SLC35F4: variants seen among roughly 807,000 people sequenced by gnomAD.
The protein encoded by SLC35F4 is solute carrier family 35 member F4.
Under a neutral mutation model 44.2 loss-of-function variants are expected in SLC35F4, and 24 were observed. The ratio of observed to expected loss-of-function variants is 0.54; its 90% CI spans 0.39 to 0.76. The LOEUF (loss-of-function observed/expected upper bound fraction) is 0.76, where lower values mean the gene tolerates loss of function less well. Ranked by LOEUF, SLC35F4 falls within the 30% of genes least tolerant of loss-of-function variation. The pLI, the probability that SLC35F4 is intolerant of heterozygous loss-of-function variation, is 0.00. For missense variants in SLC35F4, 562 were observed against 586.1 expected (o/e 0.96, Z 0.42); for synonymous variants, 238 against 223.6 (o/e 1.06, Z -0.57).
At chr14:57,660,510 T>A (rs1458195333) in intron 1 of SLC35F4, among the ~76,000 whole-genome samples, 1 of 146,878 alleles carries the variant, frequency 6.8e-6, no homozygotes, top group Admixed American at 6.8e-5. Context: ...CTGGTGTTCA[T>A]GCCCTTGTGT....
chr14:57,791,068 T>A (rs1392232388), intron 1 of SLC35F4, among the ~76,000 whole-genome samples: 3 of 151,968 alleles, frequency 2.0e-5, no homozygotes, highest in African/African-American at 4.8e-5. Flanking sequence ...CAGGACATAG[T>A]CATGGGCAAA....
rs1302954779 is a variant in SLC35F4 at position 57,569,951 on chromosome 14, G to C, written c.963C>G (p.Ala321=). 1 of 1,608,902 alleles carries C rather than the reference G, an allele frequency of 6.2e-7. No homozygotes were observed. The highest frequency in any genetic ancestry group is 1.7e-5 in the Admixed American group (1 of 59,008). ...KVLFKMFLGS[A]NFGEAAHFVS... ...CAAAGTGTGCAGCTTCCCCAAAGTT[G>C]GCACTTCCAAGAAACATTTTAAACA... The change falls in exon 6 of 8, where the codon GCC becomes GCG. Residue 321 remains alanine (A), a synonymous_variant. Coordinates refer to ENST00000556826, the MANE Select transcript of SLC35F4 (RefSeq NM_001306087.2).
intron 1 of SLC35F4, among the ~76,000 whole-genome samples, chr14:57,656,841 G>A (rs2073987604): frequency 1.3e-5 from 2 of 152,056 alleles, no homozygotes. Flanking sequence ...CCCCCAACAA[G>A]AATTTTTCCT....
chr14:57,719,188 G>T (rs1231873417), intron 1 of SLC35F4, among the ~76,000 whole-genome samples: 4 of 152,028 alleles, frequency 2.6e-5, no homozygotes, highest in Admixed American at 2.6e-4. Context: ...CTGCTTCATT[G>T]GTTTGTGTGT....
At position 57,581,383 on chromosome 14, in the gene SLC35F4, A is replaced by G; in HGVS notation, c.638T>C (p.Leu213Pro). ...GEDGLTLKLF[L>P]KRTAPFSILW... is the part of the protein sequence containing the mutation. Reference sequence around the variant, plus strand: ...AATAGAAAAGGGAGCAGTTCTTTTAAGAAAGAGTTTCAGCGTCAGACCATC... The same window carrying G: ...AATAGAAAAGGGAGCAGTTCTTTTAGGAAAGAGTTTCAGCGTCAGACCATC... The change falls in exon 4 of 8, where the codon CTT (leucine) becomes CCT (proline). Residue 213 changes from leucine to proline, a missense_variant. By Grantham distance (98) the Leu-to-Pro change is moderately conservative (BLOSUM62 -3). Coordinates refer to ENST00000556826, the MANE Select transcript of SLC35F4 (RefSeq NM_001306087.2). The G allele has an allele frequency of 6.2e-7, 1 of 1,613,204 alleles. No homozygotes were observed. The highest frequency in any genetic ancestry group is 8.5e-7 in the Non-Finnish European group (1 of 1,179,562).
intron 1 of SLC35F4, among the ~76,000 whole-genome samples, chr14:57,794,225 G>T (rs1259240930): frequency 6.6e-6 from 1 of 152,020 alleles, no homozygotes; most frequent in Admixed American, 6.6e-5. Flanking sequence ...AAAAACTTCT[G>T]CACAGCAAAA....
At chr14:57,586,273 A>G (rs1432120045) in intron 3 of SLC35F4, among the ~76,000 whole-genome samples, 3 of 152,246 alleles carry the variant, frequency 2.0e-5, no homozygotes, top group Non-Finnish European at 4.4e-5. Context: ...TTGGCTAGCC[A>G]TATGCAGAAA....
chr14:57,714,241 A>G (rs2075881301), intron 1 of SLC35F4, among the ~76,000 whole-genome samples: 1 of 152,204 alleles, frequency 6.6e-6, no homozygotes. Context: ...TGGTTAAGTC[A>G]TAGACCTGAC....
At chr14:57,646,428 T>G (rs2073518692) in intron 1 of SLC35F4, among the ~76,000 whole-genome samples, 1 of 152,224 alleles carries the variant, frequency 6.6e-6, no homozygotes, top group African/African-American at 2.4e-5. Flanking sequence ...TCTATAGTAT[T>G]CTCTGACGGT....
intron 1 of SLC35F4, among the ~76,000 whole-genome samples, chr14:57,670,063 G>A (rs181194936): frequency 1.7e-3 from 257 of 152,248 alleles, no homozygotes; most frequent in Non-Finnish European, 3.0e-3. Context: ...TCTTGGGAGA[G>A]TGTATGTGTC....
intron 1 of SLC35F4, among the ~76,000 whole-genome samples, chr14:57,861,622 T>C (rs1217321833): frequency 6.6e-6 from 1 of 152,208 alleles, no homozygotes; most frequent in African/African-American, 2.4e-5. Flanking sequence ...TTATGTGCTC[T>C]TGTCAACATT....
At chr14:57,921,241 G>A (rs1889436510) in intron 1 of SLC35F4, among the ~76,000 whole-genome samples, 1 of 152,136 alleles carries the variant, frequency 6.6e-6, no homozygotes, top group Admixed American at 6.5e-5. Context: ...TTGTCTATTA[G>A]AATCCAAGTC....
At chr14:57,750,774 G>GTATA (rs1462835174) in intron 1 of SLC35F4, among the ~76,000 whole-genome samples, 1 of 152,072 alleles carries the variant, frequency 6.6e-6, no homozygotes, top group African/African-American at 2.4e-5. Flanking sequence ...TGAACTTTTT[G>GTATA]TATATTCTGG....
intron 1 of SLC35F4, among the ~76,000 whole-genome samples, chr14:57,605,427 A>G (rs1320485090): frequency 6.6e-6 from 1 of 152,194 alleles, no homozygotes; most frequent in African/African-American, 2.4e-5. Context: ...ATCAGTCAGA[A>G]TGGCTTTTGT....
intron 1 of SLC35F4, among the ~76,000 whole-genome samples, chr14:57,787,390 C>T (rs763628992): frequency 2.2e-4 from 34 of 152,068 alleles, no homozygotes; most frequent in Non-Finnish European, 4.0e-4. Flanking sequence ...ACCTAGTCAT[C>T]CAAACACAAG....
downstream of SLC35F4, among the ~76,000 whole-genome samples, chr14:57,974,626 G>C (rs750047423): frequency 9.9e-5 from 15 of 152,192 alleles, no homozygotes; most frequent in Non-Finnish European, 2.1e-4. Context: ...AGAATGGGCA[G>C]TTACAGGACT....
At chr14:57,607,255 C>T (rs377191744) in intron 1 of SLC35F4, among the ~76,000 whole-genome samples, 12 of 152,228 alleles carry the variant, frequency 7.9e-5, no homozygotes, top group East Asian at 7.7e-4. Flanking sequence ...AATGGGCAGA[C>T]GAGCATGCCA....
rs73303883 is a variant in SLC35F4, at chr14:57,657,334, C to T, written c.104-63210G>A. ...CTAGAATGTGTTGAACATAACTTTC[C>T]AGCACTGATGCTGATACATCAATTT... On this transcript the variant is annotated intron_variant, in intron 1 of 7. Coordinates refer to ENST00000556826, the MANE Select transcript of SLC35F4 (RefSeq NM_001306087.2). 6.3e-3 allele frequency among the ~76,000 whole-genome samples: 959 copies of T among 152,300 alleles called. 7 individuals carry two copies. The highest frequency in any genetic ancestry group is 0.022 in the African/African-American group (915 of 41,562).
chr14:57,844,306 T>C (rs917918795), intron 1 of SLC35F4, among the ~76,000 whole-genome samples: 6 of 152,116 alleles, frequency 3.9e-5, no homozygotes, highest in African/African-American at 7.2e-5. Flanking sequence ...CATTTCCATG[T>C]GATAGAGGTC....
Sources: allele counts gnomAD v4.1 joint callset (sites outside exome capture counted in the v4.1 genomes callset), GRCh38; gene constraint gnomAD v4.1.1; transcripts MANE v1.5; gene names NCBI Gene and HGNC (gene_info 2026-07-23, HGNC 2026-07-21).